WDR70: variants seen among roughly 807,000 people sequenced by gnomAD.
WDR70 encodes WD repeat domain 70.
WDR70 carries 53 observed loss-of-function variants against 88.6 expected under a neutral mutation model. The ratio of observed to expected loss-of-function variants is 0.60; its 90% CI spans 0.48 to 0.75. The LOEUF (loss-of-function observed/expected upper bound fraction) is 0.75, where lower values mean the gene tolerates loss of function less well. Ranked by LOEUF, WDR70 falls within the 30% of genes least tolerant of loss-of-function variation. WDR70 has a pLI of 0.00. For synonymous variants in WDR70, 280 were observed against 270.0 expected, an observed-to-expected ratio of 1.04 and a Z score of -0.36; for missense variants, 610 against 823.2, an observed-to-expected ratio of 0.74 and a Z score of 3.17.
intron 10 of WDR70, among the ~76,000 whole-genome samples, chr5:37,628,965 G>A (rs1037380852): frequency 2.0e-5 from 3 of 152,146 alleles, no homozygotes; most frequent in Admixed American, 6.5e-5. Flanking sequence ...TTCTAGTGGT[G>A]ATAAATTCCT....
intron 10 of WDR70, among the ~76,000 whole-genome samples, chr5:37,607,439 A>G (rs1744064769): frequency 6.6e-6 from 1 of 152,188 alleles, no homozygotes; most frequent in Non-Finnish European, 1.5e-5. Context: ...ATTTAATCCT[A>G]GAATTTTCAT....
At chr5:37,668,654 G>C (rs114294398) in intron 10 of WDR70, among the ~76,000 whole-genome samples, 33 of 152,272 alleles carry the variant, frequency 2.2e-4, no homozygotes, top group African/African-American at 7.7e-4. Context: ...ATTCCAGAGC[G>C]GTGGCATCAT....
intron 10 of WDR70, among the ~76,000 whole-genome samples, chr5:37,627,072 T>C (rs1308487452): frequency 6.6e-6 from 1 of 152,082 alleles, no homozygotes; most frequent in Non-Finnish European, 1.5e-5. Flanking sequence ...AGAACTAACT[T>C]TCTGTTTGAT....
chr5:37,515,636 A>G (rs1374096976), intron 8 of WDR70, among the ~76,000 whole-genome samples: 2 of 152,248 alleles, frequency 1.3e-5, no homozygotes, highest in African/African-American at 2.4e-5. Flanking sequence ...GTATCTTTTC[A>G]GAGAGTTACT....
intron 8 of WDR70, among the ~76,000 whole-genome samples, chr5:37,511,205 T>C (rs148649253): frequency 6.6e-6 from 1 of 152,346 alleles, no homozygotes; most frequent in African/African-American, 2.4e-5. Context: ...ATCTTTTAAC[T>C]CCATCATTTA....
intron 5 of WDR70, among the ~76,000 whole-genome samples, chr5:37,421,242 T>TCTG (rs761311556): frequency 1.3e-5 from 2 of 152,222 alleles, no homozygotes; most frequent in African/African-American, 4.8e-5. Flanking sequence ...TGTGACCTGT[T>TCTG]CTGCTTCTCA....
chr5:37,636,238 A>C (rs932809711), intron 10 of WDR70, among the ~76,000 whole-genome samples: 1 of 152,220 alleles, frequency 6.6e-6, no homozygotes, highest in African/African-American at 2.4e-5. Context: ...AAGTCTGTGA[A>C]CTATAACCCA....
chr5:37,649,958 C>G, intron 10 of WDR70, among the ~76,000 whole-genome samples: 1 of 135,058 alleles, frequency 7.4e-6, no homozygotes, highest in Non-Finnish European at 1.6e-5. Flanking sequence ...AGGATGGTCT[C>G]GATCTCCTGA....
chr5:37,641,671 C>A (rs560123139), intron 10 of WDR70, among the ~76,000 whole-genome samples: 1 of 152,094 alleles, frequency 6.6e-6, no homozygotes, highest in Non-Finnish European at 1.5e-5. Context: ...TTTGCCTCGG[C>A]CTCCCAAAGT....
intron 9 of WDR70, among the ~76,000 whole-genome samples, chr5:37,594,021 T>G (rs1319396784): frequency 2.6e-5 from 4 of 152,204 alleles, no homozygotes; most frequent in African/African-American, 9.6e-5. Context: ...TAAATTTGTT[T>G]AAGTTATTTG....
At chr5:37,589,717 A>G (rs1327570891) in intron 9 of WDR70, among the ~76,000 whole-genome samples, 1 of 151,846 alleles carries the variant, frequency 6.6e-6, no homozygotes, top group Non-Finnish European at 1.5e-5. Context: ...AGTAGCTGGG[A>G]TTACAGGTCT....
At chr5:37,508,152 C>G (rs758691923) in intron 8 of WDR70, among the ~76,000 whole-genome samples, 2 of 151,944 alleles carry the variant, frequency 1.3e-5, no homozygotes, top group African/African-American at 4.8e-5. Flanking sequence ...TGTGTCCCCC[C>G]CAAATATATA....
chr5:37,479,735 C>A, intron 7 of WDR70, 99 bp from the exon 8 acceptor site: 1 of 1,335,918 alleles, frequency 7.5e-7, no homozygotes, highest in Non-Finnish European at 1.0e-6. Flanking sequence ...ATCAATTTGT[C>A]CATTTGTGTA....
chr5:37,567,346 T>G (rs1189376457), intron 9 of WDR70, among the ~76,000 whole-genome samples: 1 of 152,202 alleles, frequency 6.6e-6, no homozygotes, highest in Admixed American at 6.5e-5. Context: ...TGGGTTTCAC[T>G]TTACAAAATT....
chr5:37,595,091 G>A (rs542938922), intron 9 of WDR70, among the ~76,000 whole-genome samples: 29 of 152,250 alleles, frequency 1.9e-4, no homozygotes, highest in Admixed American at 9.8e-4. Context: ...TGCGAACAGG[G>A]ACAATTTGAC....
At chr5:37,530,724 A>G (rs1055980527) in intron 9 of WDR70, among the ~76,000 whole-genome samples, 2 of 142,578 alleles carry the variant, frequency 1.4e-5, no homozygotes, top group African/African-American at 5.2e-5. Context: ...TGGTCTGTCA[A>G]TTTTATTTAT....
chr5:37,617,075 A>G (rs1744366385), intron 10 of WDR70, among the ~76,000 whole-genome samples: 1 of 152,196 alleles, frequency 6.6e-6, no homozygotes. Flanking sequence ...ACTTTGTTCC[A>G]GGGACCATTT....
chr5:37,645,619 C>T (rs1012451966), intron 10 of WDR70, among the ~76,000 whole-genome samples: 2 of 151,944 alleles, frequency 1.3e-5, no homozygotes, highest in African/African-American at 2.4e-5. Context: ...CTCTTTAGCT[C>T]CAGTAATGTT....
chr5:37,487,066 A>G (rs1739896507), intron 8 of WDR70, among the ~76,000 whole-genome samples: 2 of 152,260 alleles, frequency 1.3e-5, no homozygotes, highest in Non-Finnish European at 2.9e-5. Context: ...CAAGAATAGC[A>G]GAAATCTACA....
Sources: allele counts gnomAD v4.1 joint callset (sites outside exome capture counted in the v4.1 genomes callset), GRCh38; gene constraint gnomAD v4.1.1; transcripts MANE v1.5; gene names NCBI Gene and HGNC (gene_info 2026-07-23, HGNC 2026-07-21).